GRM8: variants seen among roughly 807,000 people sequenced by gnomAD.
The protein encoded by GRM8 is metabotropic glutamate receptor 8.
GRM8 carries 47 observed loss-of-function variants against 87.2 expected under a neutral mutation model. The observed-to-expected ratio is 0.54, with a 90% CI of 0.43 to 0.69. GRM8 has a LOEUF of 0.69. Ranked by LOEUF, GRM8 falls within the 30% of genes least tolerant of loss-of-function variation. GRM8 has a pLI of 0.00. For synonymous variants in GRM8, 396 were observed against 404.5 expected, an observed-to-expected ratio of 0.98 and a Z score of 0.25; for missense variants, 1,019 against 1,139.2, an observed-to-expected ratio of 0.89 and a Z score of 1.52.
intron 3 of GRM8, among the ~76,000 whole-genome samples, chr7:126,948,445 G>C (rs932588365): frequency 6.8e-6 from 1 of 147,644 alleles, no homozygotes; most frequent in African/African-American, 2.5e-5. Context: ...TAGGATGCAG[G>C]CTGGGAATGT....
chr7:126,929,712 G>A (rs1360813798), intron 3 of GRM8, among the ~76,000 whole-genome samples: 5 of 139,810 alleles, frequency 3.6e-5, no homozygotes, highest in Non-Finnish European at 6.2e-5. Flanking sequence ...GGGATTACAG[G>A]CATGAGCCAC....
At chr7:127,106,394 G>T in intron 3 of GRM8, 102 bp downstream of exon 3, 1 of 867,766 alleles carries the variant, frequency 1.2e-6, no homozygotes, top group Non-Finnish European at 1.9e-6. Flanking sequence ...TGCATCTGTA[G>T]GAGTTCCAAT....
chr7:126,905,049 T>C (rs1246591136), intron 3 of GRM8, among the ~76,000 whole-genome samples: 2 of 152,208 alleles, frequency 1.3e-5, no homozygotes, highest in Non-Finnish European at 2.9e-5. Flanking sequence ...AAAGTATGAA[T>C]ATGTCTTATA....
intron 7 of GRM8, among the ~76,000 whole-genome samples, chr7:126,620,772 T>C (rs1419481): frequency 0.32 from 48,679 of 152,088 alleles, 8,421 homozygotes; most frequent in East Asian, 0.43. Flanking sequence ...TTCCATTCCT[T>C]TGGCTGCACT....
At position 127,112,734 on chromosome 7, in the gene GRM8, G is replaced by A. The variant is rs142080596; in HGVS notation, c.511-6022C>T. Among the ~76,000 whole-genome samples, 723 of 152,232 alleles carry A rather than the reference G, an allele frequency of 4.7e-3. 7 individuals are homozygous for A. Among genetic ancestry groups the A allele is most frequent in the African/African-American group, 0.016 (672 of 41,512 alleles). On this transcript the variant is annotated intron_variant, in intron 2 of 10. Transcript: ENST00000339582. The stretch of plus-strand genomic sequence containing the variant: ...TTCCAGTTCAAATCACCGAAGTGCC[G>A]CTTCAGTTGTAGCCTGTGCAGTCTT...
At chr7:126,969,760 G>A in intron 3 of GRM8, among the ~76,000 whole-genome samples, 1 of 152,080 alleles carries the variant, frequency 6.6e-6, no homozygotes, top group East Asian at 1.9e-4. Flanking sequence ...TTTTCCAGGA[G>A]TCTTCATTTA....
chr7:126,848,739 T>C (rs1184605975), intron 6 of GRM8, among the ~76,000 whole-genome samples: 1 of 152,130 alleles, frequency 6.6e-6, no homozygotes, highest in Non-Finnish European at 1.5e-5. Flanking sequence ...GAGGATCACT[T>C]GAGCCCAGGA....
At chr7:126,800,342 T>A (rs963902869) in intron 6 of GRM8, among the ~76,000 whole-genome samples, 3 of 152,104 alleles carry the variant, frequency 2.0e-5, no homozygotes, top group African/African-American at 7.2e-5. Context: ...TGCACACCCA[T>A]CAGGCTTCCT....
intron 2 of GRM8, among the ~76,000 whole-genome samples, chr7:127,162,605 A>G (rs1260493928): frequency 6.6e-6 from 1 of 152,200 alleles, no homozygotes; most frequent in Non-Finnish European, 1.5e-5. Flanking sequence ...GTAGGGAGTT[A>G]ATAGTAAAAG....
In GRM8 at chr7:126,478,255, C is replaced by A. The variant is rs1391760855; in HGVS notation, c.2431-31883G>T. On this transcript the variant is annotated intron_variant, in intron 9 of 10. Transcript: ENST00000339582. ...TTCTTGCCTAAATTAATTTTCTTTT[C>A]TTTGTTCTGAATGCCACATTTACTT... Among the ~76,000 whole-genome samples the A allele has an allele frequency of 2.6e-5, 4 of 152,072 alleles. No individual in the cohort carries two copies. The East Asian group carries it at 7.7e-4, about 29-fold the overall frequency.
At chr7:126,573,038 C>T (rs1794812459) in intron 8 of GRM8, among the ~76,000 whole-genome samples, 1 of 152,030 alleles carries the variant, frequency 6.6e-6, no homozygotes, top group Non-Finnish European at 1.5e-5. Context: ...GAACGTTAAG[C>T]GATAGACTGA....
At chr7:127,129,210 G>T (rs17865141) in intron 2 of GRM8, among the ~76,000 whole-genome samples, 15,338 of 152,122 alleles carry the variant, frequency 0.1, 2,614 homozygotes, top group African/African-American at 0.35. Context: ...AGAATCAAAG[G>T]TATAAACCAG....
In GRM8 at chr7:126,446,390, A is replaced by C. The variant is rs1429395920; in HGVS notation, c.2431-18T>G. On this transcript the variant is annotated intron_variant, in intron 9 of 10. Coordinates refer to ENST00000339582, the MANE Select transcript of GRM8 (RefSeq NM_000845.3). ...ATGTACATCTGAGGGAAGAAAAAAA[A>C]AAGAATCACTGTTGGTAAGCCTAAC... is the stretch of plus-strand genomic sequence containing the variant. 6.4e-7 allele frequency: 1 copy of C among 1,551,862 alleles called. No homozygotes were observed. The highest frequency in any genetic ancestry group is 1.4e-5 in the African/African-American group (1 of 72,426).
At chr7:126,459,879 T>A (rs1383181752) in intron 9 of GRM8, among the ~76,000 whole-genome samples, 1 of 151,508 alleles carries the variant, frequency 6.6e-6, no homozygotes, top group Non-Finnish European at 1.5e-5. Context: ...CAGAACCCTT[T>A]CTGTGTTCCA....
intron 9 of GRM8, among the ~76,000 whole-genome samples, chr7:126,478,152 G>A (rs996302348): frequency 1.3e-5 from 2 of 152,082 alleles, no homozygotes; most frequent in Non-Finnish European, 2.9e-5. Flanking sequence ...AGTTCCAGAG[G>A]TTAGGAAGTA....
intron 9 of GRM8, among the ~76,000 whole-genome samples, chr7:126,519,918 G>A (rs1199452166): frequency 6.6e-6 from 1 of 152,064 alleles, no homozygotes; most frequent in Non-Finnish European, 1.5e-5. Flanking sequence ...ACTATAATTT[G>A]TTGACAGAGT....
chr7:127,001,271 C>T lies in GRM8; in HGVS notation c.728-96588G>A, dbSNP rs186933186. Among the ~76,000 whole-genome samples, 581 of 151,552 alleles carry T rather than the reference C, an allele frequency of 3.8e-3. 5 individuals are homozygous for T. The highest frequency in any genetic ancestry group is 0.013 in the African/African-American group (552 of 41,426). ...ACAAAATTAACTTATCAATTACAGA[C>T]CTAAATGTAAAAAATCTCCTAAAAG... On this transcript the variant is annotated intron_variant, in intron 3 of 10. Transcript: ENST00000339582.
chr7:126,677,146 A>G (rs185968680), intron 7 of GRM8, among the ~76,000 whole-genome samples: 9 of 152,304 alleles, frequency 5.9e-5, no homozygotes, highest in African/African-American at 1.9e-4. Flanking sequence ...TAAAACCACA[A>G]TGAGATACCA....
chr7:127,132,283 T>G (rs1827730956), intron 2 of GRM8, among the ~76,000 whole-genome samples: 1 of 152,268 alleles, frequency 6.6e-6, no homozygotes, highest in South Asian at 2.1e-4. Flanking sequence ...CAGAAAATGC[T>G]TTCCCCTCTC....
Sources: gnomAD v4.1 joint callset for allele counts (sites outside exome capture counted in the v4.1 genomes callset) on GRCh38, gnomAD v4.1.1 for gene constraint, MANE v1.5 for transcripts, NCBI Gene and HGNC (gene_info 2026-07-23, HGNC 2026-07-21) for gene names.